KLRG1: variants seen among roughly 807,000 people sequenced by gnomAD.
The protein encoded by KLRG1 is killer cell lectin-like receptor subfamily G member 1.
A neutral mutation model predicts 21.8 loss-of-function variants in KLRG1; 16 were observed. The ratio of observed to expected loss-of-function variants is 0.73; its 90% CI spans 0.50 to 1.11. The LOEUF (loss-of-function observed/expected upper bound fraction) is 1.11. KLRG1 is among the 50% of genes most tolerant of loss of function. The pLI is 0.00. For synonymous variants in KLRG1, 69 were observed against 75.9 expected (o/e 0.91, Z 0.47); for missense variants, 173 against 218.3 (o/e 0.79, Z 1.31).
the KLRG1 span, among the ~76,000 whole-genome samples, chr12:9,094,697 G>T: frequency 1.3e-5 from 2 of 152,048 alleles, no homozygotes; most frequent in African/African-American, 4.8e-5. Flanking sequence ...TTTTTTACCT[G>T]ACTGATGGAG....
the KLRG1 span, among the ~76,000 whole-genome samples, chr12:9,180,560 T>C: frequency 1.3e-5 from 2 of 152,194 alleles, no homozygotes; most frequent in Non-Finnish European, 2.9e-5. Flanking sequence ...AAGGATTCCC[T>C]ATTTAATAAA....
chr12:9,208,111 A>G, the KLRG1 span: 3 of 604,894 alleles, frequency 5.0e-6, no homozygotes, highest in Admixed American at 5.7e-5. Context: ...TAAATGAAAG[A>G]CAAACAAGGG....
the KLRG1 span, among the ~76,000 whole-genome samples, chr12:9,048,060 A>G: frequency 1.3e-5 from 2 of 152,134 alleles, no homozygotes; most frequent in Non-Finnish European, 2.9e-5. Flanking sequence ...CAACAACAGT[A>G]GAATACACAT....
chr12:9,012,472 C>T (rs550899681), downstream of KLRG1, among the ~76,000 whole-genome samples: 5 of 152,150 alleles, frequency 3.3e-5, no homozygotes, highest in East Asian at 9.7e-4. Context: ...TAATCAGCAG[C>T]AGTACCCAGG....
the KLRG1 span, chr12:9,074,853 A>G: frequency 6.8e-7 from 1 of 1,463,164 alleles, no homozygotes; most frequent in Non-Finnish European, 9.3e-7. Flanking sequence ...AAAGTACCCA[A>G]GCCAGTGCTG....
chr12:9,170,866 G>T, the KLRG1 span, among the ~76,000 whole-genome samples: 10 of 152,094 alleles, frequency 6.6e-5, no homozygotes, highest in South Asian at 2.1e-4. The surrounding 1 kb of genome is among the most constrained non-coding windows in gnomAD (Gnocchi z 4.6). Flanking sequence ...CCGAGCTCCT[G>T]GGGGGCAGGG....
At chr12:9,115,756 G>A in the KLRG1 span, 1 of 1,607,174 alleles carries the variant, frequency 6.2e-7, no homozygotes, top group South Asian at 1.1e-5. Flanking sequence ...TCTCTGTGTG[G>A]AACTCACGGT....
At chr12:9,204,352 T>TGTAATCATGTAA in the KLRG1 span, among the ~76,000 whole-genome samples, 1 of 152,180 alleles carries the variant, frequency 6.6e-6, no homozygotes, top group South Asian at 2.1e-4. Flanking sequence ...TGATTATTCA[T>TGTAATCATGTAA]TGTAAAAAGG....
At chr12:9,068,623 CAAAAT>C in the KLRG1 span, 1 of 848,582 alleles carries the variant, frequency 1.2e-6, no homozygotes, top group South Asian at 1.6e-5. Flanking sequence ...TTGATGGAGA[CAAAAT>C]GAAGTGATAA....
chr12:8,978,668 CTTTCTTTCTTTCTTTCT>C (rs1231903882), intron 1 of KLRG1, among the ~76,000 whole-genome samples: 2 of 147,548 alleles, frequency 1.4e-5, no homozygotes, highest in African/African-American at 5.0e-5. Context: ...TTCTTTCTTT[CTTTCTTTCTTTCTTTCT>C]TTCTTTTTCT....
chr12:9,168,641 T>A, the KLRG1 span: 1 of 439,116 alleles, frequency 2.3e-6, no homozygotes, highest in Non-Finnish European at 4.0e-6. Flanking sequence ...CAGAATCTTG[T>A]ATTTTATCTG....
chr12:9,130,417 C>T, the KLRG1 span, among the ~76,000 whole-genome samples: 59,213 of 151,796 alleles, frequency 0.39, 11,892 homozygotes, highest in African/African-American at 0.43. Flanking sequence ...CCACCAACTG[C>T]GCACAAGGGT....
chr12:8,986,624 T>C (rs1946845600), upstream of KLRG1, among the ~76,000 whole-genome samples: 1 of 152,058 alleles, frequency 6.6e-6, no homozygotes, highest in African/African-American at 2.4e-5. Flanking sequence ...GACTGGAAGA[T>C]CCTCCAAGCT....
the KLRG1 span, chr12:9,076,870 G>A: frequency 6.2e-7 from 1 of 1,613,398 alleles, no homozygotes; most frequent in Non-Finnish European, 8.5e-7. Flanking sequence ...TGGCTGCCAT[G>A]GTCCCCTTCT....
In KLRG1 at chr12:9,009,885, A is replaced by T; in HGVS notation, c.*348A>T. 6.6e-7 allele frequency: 1 copy of T among 1,505,996 alleles called. No homozygotes were observed. Among genetic ancestry groups the T allele is most frequent in the Non-Finnish European group, 8.8e-7 (1 of 1,133,308 alleles). 93.3% of individuals were successfully genotyped at this position (1,505,996 alleles called of 1,614,324 possible). On this transcript the variant is annotated 3_prime_UTR_variant, in exon 5 of 5. Transcript: ENST00000356986. ...CCTTTTTCATATGATATTCTGAGCT[A>T]ATCTGATAAAATCTATGCCAATATA...
chr12:9,159,734 C>G, the KLRG1 span, among the ~76,000 whole-genome samples: 10 of 151,488 alleles, frequency 6.6e-5, no homozygotes, highest in East Asian at 1.6e-3. Context: ...AGAGTCCACA[C>G]CAGCAAGAAG....
the KLRG1 span, chr12:9,150,681 C>T: frequency 1.2e-6 from 2 of 1,612,616 alleles, no homozygotes; most frequent in African/African-American, 2.7e-5. Context: ...CAATTGCTGG[C>T]TTCAAGTCTC....
intron 1 of KLRG1, chr12:8,970,356 C>G (rs1565538655): frequency 6.6e-6 from 1 of 152,194 alleles, no homozygotes; most frequent in Non-Finnish European, 1.5e-5. Flanking sequence ...TTACAGAAAA[C>G]GTTTGCTGAT....
At chr12:9,150,035 T>C in the KLRG1 span, among the ~76,000 whole-genome samples, 2 of 152,350 alleles carry the variant, frequency 1.3e-5, no homozygotes, top group Non-Finnish European at 2.9e-5. Flanking sequence ...TCTTCCTGTT[T>C]GTTCTTCCTG....
Sources: allele counts gnomAD v4.1 joint callset (sites outside exome capture counted in the v4.1 genomes callset), GRCh38; gene constraint gnomAD v4.1.1; non-coding constraint Gnocchi (gnomAD v3.1); transcripts MANE v1.5; gene names NCBI Gene and HGNC (gene_info 2026-07-23, HGNC 2026-07-21).